NCKAP5: variants seen among roughly 807,000 people sequenced by gnomAD.
NCKAP5 encodes nck-associated protein 5.
A neutral mutation model predicts 167.0 loss-of-function variants in NCKAP5; 92 were observed. That is an observed-to-expected ratio of 0.55 (90% CI 0.47 to 0.66). The LOEUF is 0.66. NCKAP5 is among the 30% of genes least tolerant of loss of function. NCKAP5 has a pLI of 0.00. For synonymous variants in NCKAP5, 891 were observed against 877.4 expected (o/e 1.02, Z -0.27); for missense variants, 2,378 against 2,315.0 (o/e 1.03, Z -0.56).
intron 4 of NCKAP5, among the ~76,000 whole-genome samples, chr2:133,232,476 G>T (rs964861963): frequency 7.9e-5 from 12 of 152,102 alleles, no homozygotes; most frequent in African/African-American, 2.4e-4. Flanking sequence ...AAAGGTCAAA[G>T]GGAAAACAAC....
chr2:133,039,832 G>C (rs534275214), intron 6 of NCKAP5, among the ~76,000 whole-genome samples: 2 of 152,236 alleles, frequency 1.3e-5, no homozygotes, highest in African/African-American at 4.8e-5. Context: ...ACTACCCTAA[G>C]AGAGATGGGC....
intron 19 of NCKAP5, among the ~76,000 whole-genome samples, chr2:132,680,158 G>A (rs72844750): frequency 3.3e-5 from 5 of 152,036 alleles, no homozygotes; most frequent in South Asian, 4.2e-4. Flanking sequence ...ACTTTCTCCC[G>A]GTGCTCGGTT....
the NCKAP5 span, among the ~76,000 whole-genome samples, chr2:133,667,816 T>A: frequency 6.6e-6 from 1 of 151,980 alleles, no homozygotes; most frequent in South Asian, 2.1e-4. Flanking sequence ...ATTTTCCTTT[T>A]CAAAGAGCAC....
At chr2:133,598,230 G>A in the NCKAP5 span, among the ~76,000 whole-genome samples, 1 of 152,186 alleles carries the variant, frequency 6.6e-6, no homozygotes, top group Non-Finnish European at 1.5e-5. Context: ...AGCAATGCCT[G>A]GCACACTGTG....
chr2:133,143,370 G>A (rs2083070484), intron 5 of NCKAP5, among the ~76,000 whole-genome samples: 1 of 152,082 alleles, frequency 6.6e-6, no homozygotes. Flanking sequence ...GAACTGCAAA[G>A]CATCCACAAA....
At chr2:133,398,122 G>C (rs1162469054) in intron 3 of NCKAP5, among the ~76,000 whole-genome samples, 1 of 152,100 alleles carries the variant, frequency 6.6e-6, no homozygotes, top group Non-Finnish European at 1.5e-5. Context: ...GGTGCTACTA[G>C]ATAAGATCAG....
At chr2:133,432,741 A>G (rs541389673) in intron 3 of NCKAP5, among the ~76,000 whole-genome samples, 17 of 152,330 alleles carry the variant, frequency 1.1e-4, no homozygotes, top group African/African-American at 3.1e-4. Flanking sequence ...AACCCGACAC[A>G]GTGCCTGGCA....
At chr2:132,770,196 C>A (rs950458900) in intron 16 of NCKAP5, among the ~76,000 whole-genome samples, 4 of 151,974 alleles carry the variant, frequency 2.6e-5, no homozygotes, top group African/African-American at 9.7e-5. Flanking sequence ...AAAACTTTGC[C>A]TGAGTTCTTG....
chr2:133,456,979 T>C (rs1469504698), intron 3 of NCKAP5, among the ~76,000 whole-genome samples: 1 of 152,138 alleles, frequency 6.6e-6, no homozygotes, highest in African/African-American at 2.4e-5. Flanking sequence ...ACCAATGTCT[T>C]CCGTTAACAC....
At chr2:133,386,757 A>G (rs1360211365) in intron 3 of NCKAP5, among the ~76,000 whole-genome samples, 2 of 152,108 alleles carry the variant, frequency 1.3e-5, no homozygotes, top group Admixed American at 1.3e-4. Context: ...TGTATTTAGG[A>G]TAGTTAGCTC....
intron 19 of NCKAP5, among the ~76,000 whole-genome samples, chr2:132,678,906 A>G (rs548315350): frequency 6.6e-6 from 1 of 152,192 alleles, no homozygotes; most frequent in African/African-American, 2.4e-5. Context: ...GTTTCTTTAC[A>G]TTAAAGGTTT....
chr2:133,467,062 G>A (rs1225084396), intron 3 of NCKAP5, among the ~76,000 whole-genome samples: 2 of 151,970 alleles, frequency 1.3e-5, no homozygotes, highest in African/African-American at 4.8e-5. Flanking sequence ...TAGGAGTGGT[G>A]AGAGAGGGCA....
intron 6 of NCKAP5, chr2:133,121,944 A>G (rs555790197): frequency 6.6e-6 from 1 of 152,362 alleles, no homozygotes; most frequent in Admixed American, 6.5e-5. Context: ...GACACATCAA[A>G]AAAGAATCAC....
intron 4 of NCKAP5, among the ~76,000 whole-genome samples, chr2:133,254,940 AAAG>A: frequency 6.6e-6 from 1 of 152,218 alleles, no homozygotes; most frequent in Admixed American, 6.5e-5. Context: ...TACAGTGAAA[AAAG>A]AGCTTTCAGT....
chr2:132,960,626 C>T (rs1261033584), intron 8 of NCKAP5, among the ~76,000 whole-genome samples: 1 of 152,044 alleles, frequency 6.6e-6, no homozygotes, highest in African/African-American at 2.4e-5. Flanking sequence ...CGGAACTTAC[C>T]CCAGAAATGG....
chr2:133,584,557 T>C, the NCKAP5 span, among the ~76,000 whole-genome samples: 1 of 152,128 alleles, frequency 6.6e-6, no homozygotes, highest in Non-Finnish European at 1.5e-5. Context: ...TTGAGGTCAG[T>C]AGTTTGAGAC....
chr2:133,474,504 T>C (rs963961965), intron 3 of NCKAP5, among the ~76,000 whole-genome samples: 2 of 152,128 alleles, frequency 1.3e-5, no homozygotes, highest in Non-Finnish European at 2.9e-5. Context: ...TGAATAGAGT[T>C]AATAGTAATG....
At chr2:133,410,248 C>T (rs1688692367) in intron 3 of NCKAP5, among the ~76,000 whole-genome samples, 1 of 152,208 alleles carries the variant, frequency 6.6e-6, no homozygotes, top group African/African-American at 2.4e-5. Context: ...AATAAACATA[C>T]AGGTAGCAGG....
At chr2:132,974,840 C>A (rs1412138339) in intron 7 of NCKAP5, among the ~76,000 whole-genome samples, 1 of 152,200 alleles carries the variant, frequency 6.6e-6, no homozygotes, top group African/African-American at 2.4e-5. Flanking sequence ...ACCACCACTT[C>A]CATAGTTAAT....
Sources: allele counts gnomAD v4.1 joint callset (sites outside exome capture counted in the v4.1 genomes callset), GRCh38; gene constraint gnomAD v4.1.1; transcripts MANE v1.5; gene names NCBI Gene and HGNC (gene_info 2026-07-23, HGNC 2026-07-21).